Variants in ESR1 observed in about 807,000 individuals in gnomAD.
ESR1 encodes the protein estrogen receptor 1.
ESR1 carries 12 observed loss-of-function variants against 52.7 expected under a neutral mutation model. The ratio of observed to expected loss-of-function variants is 0.23; its 90% CI spans 0.15 to 0.37. The LOEUF (loss-of-function observed/expected upper bound fraction) is 0.37, where lower values mean the gene tolerates loss of function less well. ESR1 is among the 10% of genes least tolerant of loss of function. ESR1 has a pLI of 1.00. For missense variants in ESR1, 584 were observed against 779.7 expected, an observed-to-expected ratio of 0.75 and a Z score of 2.99; for synonymous variants, 305 against 316.8, an observed-to-expected ratio of 0.96 and a Z score of 0.39.
chr6:152,094,033 G>C lies in ESR1; in HGVS notation c.1370-352G>C, dbSNP rs2050416597. ...AAGGAACAACAGTGGCTGCTCACAG[G>C]GTTGTCAGTTACATGGTCAATTACA... On this transcript the variant is annotated intron_variant, in intron 6 of 7. Coordinates refer to ENST00000206249, the MANE Select transcript of ESR1 (RefSeq NM_000125.4). This position sits in a 1 kb window ranked among gnomAD's most constrained non-coding sequence, Gnocchi z 4.6. 6.6e-6 allele frequency among the ~76,000 whole-genome samples: 1 copy of C among 152,140 alleles called. No homozygotes were observed. Among genetic ancestry groups the C allele is most frequent in the Non-Finnish European group, 1.5e-5 (1 of 68,034 alleles).
chr6:152,011,613 C>G, intron 4 of ESR1, 43 bp from the exon 5 acceptor site: 1 of 1,612,270 alleles, frequency 6.2e-7, no homozygotes, highest in Non-Finnish European at 8.5e-7. Context: ...AGTAATGAGT[C>G]TTTTTCATTT....
At chr6:151,906,882 C>CT (rs34992457) in intron 3 of ESR1, among the ~76,000 whole-genome samples, 2 of 151,014 alleles carry the variant, frequency 1.3e-5, no homozygotes, top group South Asian at 2.1e-4. Flanking sequence ...TAAAACTTTG[C>CT]TTTTTTTCAC....
At position 152,053,358 on chromosome 6, in the gene ESR1, A is replaced by G. The variant is rs1373310894; in HGVS notation, c.1236-7633A>G. Among the ~76,000 whole-genome samples the G allele has an allele frequency of 1.3e-5, 2 of 152,112 alleles. No homozygotes were observed. Among genetic ancestry groups the G allele is most frequent in the Admixed American group, 1.3e-4 (2 of 15,268 alleles). ...TCCACCTTGTCCTATCACGCTGGAT[A>G]TGCTGTTGCTCCCAAATTGCCTCCC... On this transcript the variant is annotated intron_variant, in intron 5 of 7. Coordinates refer to ENST00000206249, the MANE Select transcript of ESR1 (RefSeq NM_000125.4). The surrounding 1 kb of genome is among the most constrained non-coding windows in gnomAD (Gnocchi z 4.1).
Position 152,018,853 on chromosome 6 carries a change from G to A in ESR1, c.1235+7059G>A, listed in dbSNP as rs551015612. Among the ~76,000 whole-genome samples, 31 of 151,464 alleles carry A rather than the reference G, an allele frequency of 2.0e-4. No individual in the cohort carries two copies. The East Asian group carries it at 5.0e-3, about 25-fold the overall frequency. ...AGTAAAAAAAGAAAAAAAAAAGGAAGCCAACACTTACTTAACTGCTTTAAT... is the reference window on the plus strand; with the variant it reads ...AGTAAAAAAAGAAAAAAAAAAGGAAACCAACACTTACTTAACTGCTTTAAT... On this transcript the variant is annotated intron_variant, in intron 5 of 7. Coordinates refer to ENST00000206249, the MANE Select transcript of ESR1 (RefSeq NM_000125.4).
intron 4 of ESR1, among the ~76,000 whole-genome samples, chr6:151,951,564 T>A (rs2036325257): frequency 6.6e-6 from 1 of 152,216 alleles, no homozygotes; most frequent in African/African-American, 2.4e-5. Flanking sequence ...GATAGAAATC[T>A]ATGAGACTTG....
intron 4 of ESR1, among the ~76,000 whole-genome samples, chr6:151,968,330 C>G (rs1300064553): frequency 6.6e-6 from 1 of 152,058 alleles, no homozygotes; most frequent in Non-Finnish European, 1.5e-5. Context: ...AGAAGAAAAC[C>G]TAGGCAGTAC....
At chr6:151,794,037 G>A (rs1296248110) in intron 2 of ESR1, among the ~76,000 whole-genome samples, 6 of 152,176 alleles carry the variant, frequency 3.9e-5, no homozygotes, top group Non-Finnish European at 7.3e-5. Flanking sequence ...AATCGTGATC[G>A]AGTGTAACAA....
chr6:151,943,358 T>C (rs1219615664), intron 3 of ESR1, among the ~76,000 whole-genome samples: 32 of 149,104 alleles, frequency 2.1e-4, no homozygotes, highest in Non-Finnish European at 3.7e-4. Context: ...CCAGCCTGGG[T>C]GACACAGCGA....
intron 6 of ESR1, chr6:152,121,745 G>A (rs1270539049): frequency 6.7e-6 from 1 of 149,550 alleles, no homozygotes; most frequent in Non-Finnish European, 1.5e-5. Flanking sequence ...CTTGGCTTTA[G>A]CAAACTGTAC....
intron 2 of ESR1, among the ~76,000 whole-genome samples, chr6:151,851,530 GT>G (rs11386586): frequency 2.1e-4 from 30 of 142,332 alleles, no homozygotes; most frequent in South Asian, 1.1e-3. Flanking sequence ...TGATGAAGGA[GT>G]TTTTTTTTTT....
At chr6:152,104,290 C>A (rs374780686), downstream of ESR1, among the ~76,000 whole-genome samples, 2 of 152,154 alleles carry the variant, frequency 1.3e-5, no homozygotes, top group African/African-American at 4.8e-5. Context: ...TTGGCAAGTT[C>A]TTCAATCCCT....
Position 151,779,379 on chromosome 6 carries a change from A to G in ESR1, c.-70-28464A>G, listed in dbSNP as rs915757655. 1.1e-4 allele frequency among the ~76,000 whole-genome samples: 16 copies of G among 152,328 alleles called. No homozygotes were observed. In the South Asian group the frequency reaches 2.1e-3, roughly 20 times the overall value. On this transcript the variant is annotated intron_variant, in intron 2 of 2. Transcript: ENST00000404742. ...TTTCCCCATAAGGATATGAACAGACACTTTTCAAAAGAAGACATTTATGCA... is the reference window on the plus strand; with the variant it reads ...TTTCCCCATAAGGATATGAACAGACGCTTTTCAAAAGAAGACATTTATGCA...
chr6:151,930,464 T>C (rs2033428732), intron 3 of ESR1, among the ~76,000 whole-genome samples: 1 of 152,208 alleles, frequency 6.6e-6, no homozygotes, highest in African/African-American at 2.4e-5. Flanking sequence ...CTGTCATTTA[T>C]TTCATTTCAC....
intron 2 of ESR1, among the ~76,000 whole-genome samples, chr6:151,866,256 A>G (rs1270904511): frequency 1.3e-5 from 2 of 152,218 alleles, no homozygotes; most frequent in Non-Finnish European, 2.9e-5. Flanking sequence ...ACCATCCTGT[A>G]AAGGTTTTAT....
intron 4 of ESR1, among the ~76,000 whole-genome samples, chr6:151,960,603 A>T (rs898897757): frequency 1.3e-5 from 2 of 152,170 alleles, no homozygotes; most frequent in Non-Finnish European, 2.9e-5. Flanking sequence ...AGTGAGAGAA[A>T]ATGTGATCAG....
intron 2 of ESR1, among the ~76,000 whole-genome samples, chr6:151,781,619 T>C (rs1247986130): frequency 2.0e-5 from 3 of 152,214 alleles, no homozygotes; most frequent in Non-Finnish European, 4.4e-5. Context: ...GCTTCGCTGT[T>C]TCCATTCCTT....
chr6:151,666,658 G>A (rs1777832336), intron 1 of ESR1, among the ~76,000 whole-genome samples: 1 of 149,424 alleles, frequency 6.7e-6, no homozygotes. Context: ...CTACTTGGCT[G>A]GGTTCTTACT....
chr6:151,684,462 G>A (rs1348964334), intron 1 of ESR1, among the ~76,000 whole-genome samples: 2 of 152,114 alleles, frequency 1.3e-5, no homozygotes, highest in Admixed American at 6.5e-5. Context: ...GGACGGATTC[G>A]AAATGGTAGA....
At chr6:151,796,703 C>T (rs1329112880) in intron 2 of ESR1, among the ~76,000 whole-genome samples, 1 of 152,160 alleles carries the variant, frequency 6.6e-6, no homozygotes, top group Admixed American at 6.5e-5. Context: ...AAATACCTTA[C>T]GCTTCTGGTG....
Sources: allele counts gnomAD v4.1 joint callset (sites outside exome capture counted in the v4.1 genomes callset), GRCh38; gene constraint gnomAD v4.1.1; non-coding constraint Gnocchi (gnomAD v3.1); transcripts MANE v1.5; gene names NCBI Gene and HGNC (gene_info 2026-07-23, HGNC 2026-07-21).